Variants in BAALC observed in about 807,000 individuals in gnomAD.
BAALC encodes the protein BAALC binder of MAP3K1 and KLF4, also known as brain and acute leukemia cytoplasmic protein.
A neutral mutation model predicts 15.5 loss-of-function variants in BAALC; 9 were observed. The ratio of observed to expected loss-of-function variants is 0.58; its 90% CI spans 0.35 to 1.02. The LOEUF (loss-of-function observed/expected upper bound fraction) is 1.02. Ranked by LOEUF, BAALC falls within the 50% of genes least tolerant of loss-of-function variation. The probability of loss-of-function intolerance (pLI) is 0.02; values close to 1 mark genes in which losing one functional copy is unlikely to be tolerated. For synonymous variants in BAALC, 80 were observed against 74.6 expected (o/e 1.07, Z -0.37); for missense variants, 201 against 192.4 (o/e 1.04, Z -0.27).
intron 1 of BAALC, among the ~76,000 whole-genome samples, chr8:103,184,792 G>A (rs1205900224): frequency 1.3e-5 from 2 of 152,174 alleles, no homozygotes; most frequent in African/African-American, 4.8e-5. Flanking sequence ...ACTCACCCAG[G>A]GCAGAACTGG....
intron 1 of BAALC, among the ~76,000 whole-genome samples, 158 bp from the exon 2 acceptor site, chr8:103,212,761 C>T (rs1426016350): frequency 6.6e-6 from 1 of 152,104 alleles, no homozygotes; most frequent in Non-Finnish European, 1.5e-5. Flanking sequence ...TTGTAAAAAG[C>T]ATATATGTTC....
intron 1 of BAALC, among the ~76,000 whole-genome samples, chr8:103,160,633 A>G (rs1424888519): frequency 6.6e-6 from 1 of 152,142 alleles, no homozygotes; most frequent in Non-Finnish European, 1.5e-5. Context: ...AATAGTCTAT[A>G]CATATATATA....
intron 1 of BAALC, among the ~76,000 whole-genome samples, chr8:103,159,767 T>G (rs1811180466): frequency 6.6e-6 from 1 of 152,136 alleles, no homozygotes. Flanking sequence ...CTTATTATGT[T>G]TTTATAGGCT....
At chr8:103,173,300 C>T (rs184865262) in intron 1 of BAALC, among the ~76,000 whole-genome samples, 2 of 152,282 alleles carry the variant, frequency 1.3e-5, no homozygotes, top group Admixed American at 1.3e-4. Context: ...CTCTCACCCT[C>T]TTCTGTATTT....
Position 103,197,356 on chromosome 8 carries a change from G to A in BAALC, c.161-15563G>A, listed in dbSNP as rs536207837. ...TCTTAAAAAAAAAAGAGGTGGCAGG[G>A]AGTGGGGATCATAACATCTACCTAC... On this transcript the variant is annotated intron_variant, in intron 1 of 2. Transcript: ENST00000309982. 7.0e-4 allele frequency among the ~76,000 whole-genome samples: 106 copies of A among 152,214 alleles called. 1 individual carries two copies. The highest frequency in any genetic ancestry group is 1.2e-3 in the Non-Finnish European group (82 of 67,986).
At chr8:103,214,635 G>C (rs369244663) in intron 2 of BAALC, among the ~76,000 whole-genome samples, 3 of 152,172 alleles carry the variant, frequency 2.0e-5, no homozygotes, top group South Asian at 2.1e-4. Context: ...CTAACTAAAG[G>C]CCTTTCAGAA....
intron 1 of BAALC, among the ~76,000 whole-genome samples, chr8:103,179,870 TAG>T (rs1811687282): frequency 2.6e-5 from 4 of 152,328 alleles, no homozygotes; most frequent in Middle Eastern, 6.8e-3. Context: ...GTGATGGCCT[TAG>T]AGTCTCAGGG....
chr8:103,191,547 G>T (rs187586922), intron 1 of BAALC: 190 of 152,196 alleles, frequency 1.2e-3, no homozygotes, highest in African/African-American at 4.1e-3. Context: ...CTACCGTACA[G>T]GATTTCAATT....
chr8:103,188,925 A>T (rs1318426533), intron 1 of BAALC, among the ~76,000 whole-genome samples: 1 of 152,234 alleles, frequency 6.6e-6, no homozygotes, highest in Non-Finnish European at 1.5e-5. Context: ...TGAAACGTTA[A>T]AAGTGGAGAT....
intron 1 of BAALC, among the ~76,000 whole-genome samples, chr8:103,195,123 T>G (rs1812062848): frequency 6.6e-6 from 1 of 152,134 alleles, no homozygotes; most frequent in South Asian, 2.1e-4. Flanking sequence ...ATCAAAAAGT[T>G]TGGGAGTCAG....
At chr8:103,226,454 C>T (rs1812808219) in intron 2 of BAALC, among the ~76,000 whole-genome samples, 1 of 152,188 alleles carries the variant, frequency 6.6e-6, no homozygotes, top group African/African-American at 2.4e-5. Context: ...GACTGTTCTC[C>T]CTGCAGCGAG....
chr8:103,220,700 T>C (rs1205092551), intron 2 of BAALC, among the ~76,000 whole-genome samples: 1 of 152,236 alleles, frequency 6.6e-6, no homozygotes, highest in Non-Finnish European at 1.5e-5. Context: ...AGCCCTATGC[T>C]TCTATATGCC....
At chr8:103,148,590 C>T (rs1411352254) in intron 1 of BAALC, among the ~76,000 whole-genome samples, 1 of 152,184 alleles carries the variant, frequency 6.6e-6, no homozygotes, top group Non-Finnish European at 1.5e-5. Context: ...CTATAGTCAC[C>T]TTATTGTGCT....
Position 103,229,891 on chromosome 8 carries a change from C to G in BAALC, c.*1792C>G, listed in dbSNP as rs1398682208. The G allele has an allele frequency of 6.6e-6, 1 of 152,192 alleles. No homozygotes were observed. Among genetic ancestry groups the G allele is most frequent in the African/African-American group, 2.4e-5 (1 of 41,442 alleles). 9.4% of individuals were successfully genotyped at this position (152,192 alleles called of 1,614,324 possible). Reference sequence around the variant, plus strand: ...AAAACCTGTGATTCATATGTCCCCACTGGCATTACTCAGCAGGAGCCCCCA... The same window carrying G: ...AAAACCTGTGATTCATATGTCCCCAGTGGCATTACTCAGCAGGAGCCCCCA... On this transcript the variant is annotated 3_prime_UTR_variant, in exon 3 of 3. Coordinates refer to ENST00000309982, the MANE Select transcript of BAALC (RefSeq NM_024812.3).
intron 1 of BAALC, among the ~76,000 whole-genome samples, chr8:103,206,238 A>T (rs1460941924): frequency 6.6e-6 from 1 of 152,054 alleles, no homozygotes; most frequent in Admixed American, 6.6e-5. Context: ...TCTCTAATCA[A>T]TTTCTGTTGC....
intron 1 of BAALC, among the ~76,000 whole-genome samples, chr8:103,175,939 G>GA (rs1383426282): frequency 3.9e-5 from 6 of 152,190 alleles, no homozygotes; most frequent in African/African-American, 1.4e-4. Context: ...TGTAGGTGAA[G>GA]AAATTGAGGG....
At chr8:103,184,636 G>A (rs1811793764) in intron 1 of BAALC, among the ~76,000 whole-genome samples, 1 of 152,204 alleles carries the variant, frequency 6.6e-6, no homozygotes, top group Non-Finnish European at 1.5e-5. Flanking sequence ...CTCTCTCCCA[G>A]ATAGTTCCAG....
intron 1 of BAALC, among the ~76,000 whole-genome samples, chr8:103,146,154 T>C (rs936808144): frequency 1.3e-5 from 2 of 152,188 alleles, no homozygotes; most frequent in African/African-American, 4.8e-5. Flanking sequence ...GAAGGGCATG[T>C]AGAAAAGCAT....
chr8:103,168,616 A>G (rs772905819), intron 1 of BAALC, among the ~76,000 whole-genome samples: 1 of 151,942 alleles, frequency 6.6e-6, no homozygotes, highest in Non-Finnish European at 1.5e-5. Flanking sequence ...ATTCTATCAC[A>G]ATTTTTTCTT....
Sources: gnomAD v4.1 joint callset for allele counts (sites outside exome capture counted in the v4.1 genomes callset) on GRCh38, gnomAD v4.1.1 for gene constraint, MANE v1.5 for transcripts, NCBI Gene and HGNC (gene_info 2026-07-23, HGNC 2026-07-21) for gene names.